The following ZBTB45 variants were observed in gnomAD, a reference collection of about 807,000 sequenced individuals.
The protein encoded by ZBTB45 is zinc finger and BTB domain containing 45.
In ZBTB45, 22 loss-of-function variants were observed where a neutral mutation model predicts 28.4. The ratio of observed to expected loss-of-function variants is 0.77; its 90% confidence interval spans 0.55 to 1.10. The LOEUF (loss-of-function observed/expected upper bound fraction) is 1.10, where lower values mean the gene tolerates loss of function less well. ZBTB45 is among the 50% of genes least tolerant of loss of function. The probability of loss-of-function intolerance (pLI) is 0.00; values close to 1 mark genes in which losing one functional copy is unlikely to be tolerated. For missense variants in ZBTB45, 656 were observed against 750.2 expected (o/e 0.87, Z 1.47); for synonymous variants, 361 against 332.3 (o/e 1.09, Z -0.94).
rs1017851097 is a variant in ZBTB45, at chr19:58,517,068, G to T, written c.606C>A (p.Ala202=). ...GPDADPSLSA[A]PDDRGDEDDE... ...CATCCTCGTCACCTCGGTCATCAGGGGCCGCGGACAGTGAGGGGTCAGCAT... is the reference window on the plus strand; with the variant it reads ...CATCCTCGTCACCTCGGTCATCAGGTGCCGCGGACAGTGAGGGGTCAGCAT... The change falls in exon 2 of 3, where the codon GCC becomes GCA. Residue 202 remains alanine (A), a synonymous_variant. Coordinates refer to ENST00000594051, the MANE Select transcript of ZBTB45 (RefSeq NM_001316979.2). 10 of 1,613,100 alleles carry T rather than the reference G, an allele frequency of 6.2e-6. No homozygotes were observed. The highest frequency in any genetic ancestry group is 3.3e-5 in the Admixed American group (2 of 60,006).
chr19:58,514,986 G>A (rs1245284343), intron 2 of ZBTB45, among the ~76,000 whole-genome samples: 1 of 152,146 alleles, frequency 6.6e-6, no homozygotes, highest in Non-Finnish European at 1.5e-5. Flanking sequence ...GTTAGGGGAG[G>A]GGAGGCAGTC....
Position 58,515,620 on chromosome 19 carries a change from C to T in ZBTB45, c.1279+775G>A, listed in dbSNP as rs2053482226. On this transcript the variant is annotated intron_variant, in intron 2 of 2. Coordinates refer to ENST00000594051, the MANE Select transcript of ZBTB45 (RefSeq NM_001316979.2). This position sits in a 1 kb window ranked among gnomAD's most constrained non-coding sequence, Gnocchi z 4.7. ...CACAGTCAAATCCCAAGTTCCAGCC[C>T]CTGCAGAAACCCCCTCACTATCACT... Among the ~76,000 whole-genome samples, 3 of 152,308 alleles carry T rather than the reference C, an allele frequency of 2.0e-5. No individual in the cohort carries two copies. In the South Asian group the frequency reaches 6.2e-4, roughly 32 times the overall value.
At chr19:58,534,738 A>T (rs190007849) in intron 1 of ZBTB45, among the ~76,000 whole-genome samples, 67 of 151,956 alleles carry the variant, frequency 4.4e-4, no homozygotes, top group Middle Eastern at 3.4e-3. Flanking sequence ...TTGTATTTTT[A>T]GTAGAGACAG....
intron 1 of ZBTB45, among the ~76,000 whole-genome samples, chr19:58,531,746 G>A (rs969916586): frequency 6.6e-6 from 1 of 152,132 alleles, no homozygotes; most frequent in Non-Finnish European, 1.5e-5. Context: ...GGACTCATGG[G>A]TAGTGTGGAT....
chr19:58,529,486 C>A (rs753133687), intron 1 of ZBTB45, among the ~76,000 whole-genome samples: 1 of 152,160 alleles, frequency 6.6e-6, no homozygotes, highest in East Asian at 1.9e-4. Context: ...CAATGGTGTA[C>A]AACCACCTCC....
intron 1 of ZBTB45, among the ~76,000 whole-genome samples, chr19:58,524,882 CA>C (rs148810862): frequency 0.36 from 49,832 of 138,112 alleles, 8,597 homozygotes; most frequent in East Asian, 0.63. Context: ...GACTCCGTCT[CA>C]AAAAAAAAAA....
At chr19:58,523,338 G>C (rs1317806802), upstream of ZBTB45, among the ~76,000 whole-genome samples, 1 of 152,024 alleles carries the variant, frequency 6.6e-6, no homozygotes, top group Non-Finnish European at 1.5e-5. Context: ...CTGAGGTCAG[G>C]AGTTCGAGAC....
upstream of ZBTB45, among the ~76,000 whole-genome samples, chr19:58,520,875 AC>A (rs1444764843): frequency 2.0e-5 from 3 of 151,100 alleles, no homozygotes; most frequent in East Asian, 5.8e-4. Flanking sequence ...ACACAGTGAA[AC>A]CCCATCTCTA....
intron 1 of ZBTB45, among the ~76,000 whole-genome samples, chr19:58,534,894 G>A (rs1568652907): frequency 2.2e-5 from 3 of 138,692 alleles, no homozygotes; most frequent in South Asian, 4.7e-4. Context: ...TCGCTCTGTC[G>A]CCCAGGCTGG....
intron 1 of ZBTB45, chr19:58,519,176 A>G (rs1397445134): frequency 6.6e-6 from 1 of 152,248 alleles, no homozygotes; most frequent in Non-Finnish European, 1.5e-5. Context: ...CCCTGTTCTG[A>G]GCCTTCTGTG....
At chr19:58,528,621 G>T (rs1366877710) in intron 1 of ZBTB45, among the ~76,000 whole-genome samples, 2 of 152,124 alleles carry the variant, frequency 1.3e-5, no homozygotes, top group African/African-American at 4.8e-5. Context: ...TAGGCTGGGC[G>T]CAGTGGCTCA....
At position 58,519,743 on chromosome 19, in the gene ZBTB45, T is replaced by G. The variant is rs2053562098; in HGVS notation, c.-2A>C. 6.6e-6 allele frequency: 1 copy of G among 152,424 alleles called. No individual in the cohort carries two copies. Among genetic ancestry groups the G allele is most frequent in the Non-Finnish European group, 1.5e-5 (1 of 68,178 alleles). The allele number at this position is 152,424 out of a possible 1,614,324, so 9.4% of individuals were successfully genotyped here. A position where few individuals can be genotyped will look rare whatever the true frequency, so the allele number is the denominator to read the frequency against. ...AGGGGGATGCCCATTCGACCCCACC[T>G]CCGACTCCTCTTCAGGCACCAGGCT... On this transcript the variant is annotated splice_region_variant and 5_prime_UTR_variant, in exon 1 of 3. Transcript: ENST00000594051.
Position 58,530,209 on chromosome 19 carries a change from GCA to G in ZBTB45, c.-1+8490_-1+8491del, listed in dbSNP as rs111340524. On this transcript the variant is annotated intron_variant, in intron 1 of 1. Transcript: ENST00000600130. Reference sequence around the variant, plus strand: ...CAGAGACCTTGCCATGAGAGCGCATGCACACACACACACACACACACACACAC... The same window carrying G: ...CAGAGACCTTGCCATGAGAGCGCATGCACACACACACACACACACACACAC... 8.5e-3 allele frequency among the ~76,000 whole-genome samples: 1,267 copies of G among 148,504 alleles called. 7 individuals carry two copies. Among genetic ancestry groups the G allele is most frequent in the Admixed American group, 0.016 (235 of 14,676 alleles).
Position 58,517,657 on chromosome 19 carries a change from G to A in ZBTB45, c.17C>T (p.Ala6Val). 6.2e-7 allele frequency: 1 copy of A among 1,613,216 alleles called. No homozygotes were observed. Among genetic ancestry groups the A allele is most frequent in the Non-Finnish European group, 8.5e-7 (1 of 1,179,530 alleles). The change falls in exon 2 of 3, where the codon GCT becomes GTT. Residue 6 changes from alanine to valine, a missense_variant. Physicochemically the swap from Ala to Val is moderately conservative, Grantham distance 64 (BLOSUM62 0). Coordinates refer to ENST00000594051, the MANE Select transcript of ZBTB45 (RefSeq NM_001316979.2). ...GTTCTGCAGGTGTATGTGATGCACAGCCTCTGCAGCCGCCATCTGCACAGA... is the reference window on the plus strand; with the variant it reads ...GTTCTGCAGGTGTATGTGATGCACAACCTCTGCAGCCGCCATCTGCACAGA... MAAAE[A>V]VHHIHLQNFS...
At chr19:58,525,254 G>A (rs917320844) in intron 1 of ZBTB45, among the ~76,000 whole-genome samples, 2 of 152,150 alleles carry the variant, frequency 1.3e-5, no homozygotes, top group Admixed American at 6.6e-5. Flanking sequence ...CCATCCTAGT[G>A]GGTTTGGGTT....
Position 58,514,225 on chromosome 19 carries a change from G to T in ZBTB45, c.1365C>A (p.Gly455=), listed in dbSNP as rs1368737960. 6.2e-7 allele frequency: 1 copy of T among 1,612,476 alleles called. No homozygotes were observed. Among genetic ancestry groups the T allele is most frequent in the Non-Finnish European group, 8.5e-7 (1 of 1,179,660 alleles). ...AGACGGCGCACTGGAAGGCGCGCAC[G>T]CCGGTGTGCGTGACCATGTGTTTGA... ...YLLKHMVTHT[G]VRAFQCAVCA... Residue 455 remains glycine (G), a synonymous_variant, in exon 3 of 3, where the codon GGC becomes GGA. Coordinates refer to ENST00000594051, the MANE Select transcript of ZBTB45 (RefSeq NM_001316979.2).
intron 1 of ZBTB45, among the ~76,000 whole-genome samples, chr19:58,534,556 A>ATT (rs199647138): frequency 2.4e-5 from 3 of 124,544 alleles, no homozygotes; most frequent in African/African-American, 9.5e-5. Flanking sequence ...CGCCCAGCTA[A>ATT]TTTTTTTTTT....
intron 1 of ZBTB45, among the ~76,000 whole-genome samples, chr19:58,537,559 C>T (rs947597090): frequency 1.3e-5 from 2 of 152,088 alleles, no homozygotes; most frequent in African/African-American, 4.8e-5. Context: ...CCTCTCTGAG[C>T]ACCTCCCACC....
rs1202126183 is a variant in ZBTB45 at position 58,517,178 on chromosome 19, C to G, written c.496G>C (p.Gly166Arg). ...LLAARPPGHP[G>R]AAHSRKQRQP... ...CGCTGCTTACGGCTGTGTGCAGCAC[C>G]GGGGTGCCCCGGGGGACGTGCAGCC... is the stretch of plus-strand genomic sequence containing the variant. The change falls in exon 2 of 3, where the codon GGT (glycine) becomes CGT (arginine). Residue 166 changes from glycine (G) to arginine (R), a missense_variant. Coordinates refer to ENST00000594051, the MANE Select transcript of ZBTB45 (RefSeq NM_001316979.2). The G allele has an allele frequency of 6.2e-7, 1 of 1,607,050 alleles. No individual in the cohort carries two copies. The highest frequency in any genetic ancestry group is 1.1e-5 in the South Asian group (1 of 90,822).
Sources: gnomAD v4.1 joint callset for allele counts (sites outside exome capture counted in the v4.1 genomes callset) on GRCh38, gnomAD v4.1.1 for gene constraint, Gnocchi (gnomAD v3.1) non-coding constraint, MANE v1.5 for transcripts, NCBI Gene and HGNC (gene_info 2026-07-23, HGNC 2026-07-21) for gene names.